The following ZBTB7A variants were observed in gnomAD, a reference collection of about 807,000 sequenced individuals.
The protein encoded by ZBTB7A is zinc finger and BTB domain-containing protein 7A.
ZBTB7A carries 7 observed loss-of-function variants against 26.7 expected under a neutral mutation model. That is an observed-to-expected ratio of 0.26 (90% confidence interval 0.15 to 0.49). The LOEUF is 0.49. Ranked by LOEUF, ZBTB7A falls within the 20% of genes least tolerant of loss-of-function variation. ZBTB7A has a pLI of 0.98. For missense variants in ZBTB7A, 617 were observed against 919.5 expected, an observed-to-expected ratio of 0.67 and a Z score of 4.25; for synonymous variants, 452 against 441.0, an observed-to-expected ratio of 1.02 and a Z score of -0.31.
intron 1 of ZBTB7A, among the ~76,000 whole-genome samples, chr19:4,057,217 G>A (rs909081904): frequency 1.7e-4 from 25 of 149,020 alleles, no homozygotes; most frequent in South Asian, 1.5e-3. Context: ...GTGTGGTGGC[G>A]CGTGCCTGTA....
At chr19:4,062,233 C>A (rs1360882146) in intron 1 of ZBTB7A, 1 of 152,294 alleles carries the variant, frequency 6.6e-6, no homozygotes, top group East Asian at 1.9e-4. Context: ...GAGTGGCCGT[C>A]CACAGCCTGC....
At chr19:4,060,698 G>A (rs984333438) in intron 1 of ZBTB7A, among the ~76,000 whole-genome samples, 1 of 152,232 alleles carries the variant, frequency 6.6e-6, no homozygotes, top group Non-Finnish European at 1.5e-5. Context: ...TGGGCGACCG[G>A]GGAAGGGGGA....
intron 2 of ZBTB7A, among the ~76,000 whole-genome samples, chr19:4,051,564 C>A (rs1045278397): frequency 2.6e-5 from 4 of 152,220 alleles, no homozygotes; most frequent in African/African-American, 9.6e-5. Flanking sequence ...TTATCTCTAG[C>A]CTTGCTGCCC....
chr19:4,049,214 G>C (rs1483950753), intron 2 of ZBTB7A, among the ~76,000 whole-genome samples: 1 of 42,174 alleles, frequency 2.4e-5, no homozygotes, highest in Non-Finnish European at 6.6e-5. Flanking sequence ...ATATATGTAA[G>C]TTTGAGAGAT....
chr19:4,055,378 A>C, intron 1 of ZBTB7A, 131 bp from the exon 2 acceptor site: 1 of 1,392,476 alleles, frequency 7.2e-7, no homozygotes, highest in Non-Finnish European at 9.3e-7. Flanking sequence ...TCCCACCTGC[A>C]CGTGAAGGCG....
At chr19:4,065,816 G>A (rs2040690204) in intron 1 of ZBTB7A, 1 of 142,538 alleles carries the variant, frequency 7.0e-6, no homozygotes, top group Non-Finnish European at 1.6e-5. Context: ...GGGCCCCGGG[G>A]CGGGGAGGGG....
intron 2 of ZBTB7A, among the ~76,000 whole-genome samples, chr19:4,053,757 T>C (rs903417282): frequency 1.3e-5 from 2 of 151,478 alleles, no homozygotes; most frequent in African/African-American, 4.9e-5. Context: ...TGTGCGTATA[T>C]ATGTGCAAGT....
intron 1 of ZBTB7A, 36 bp from the exon 2 acceptor site, chr19:4,055,283 G>T (rs538559850): frequency 1.1e-5 from 16 of 1,436,432 alleles, no homozygotes; most frequent in Non-Finnish European, 1.5e-5. Context: ...GCTCGTGAGT[G>T]GGGGTGCGGG....
At chr19:4,065,258 G>C (rs1363305898) in intron 1 of ZBTB7A, among the ~76,000 whole-genome samples, 2 of 150,440 alleles carry the variant, frequency 1.3e-5, no homozygotes, top group Non-Finnish European at 3.0e-5. Flanking sequence ...CCGCGGGTCG[G>C]AGCCGGACGG....
At position 4,045,773 on chromosome 19, in the gene ZBTB7A, C is replaced by T; in HGVS notation, c.*1979G>A. On this transcript the variant is annotated 3_prime_UTR_variant, in exon 3 of 3. Coordinates refer to ENST00000322357, the MANE Select transcript of ZBTB7A (RefSeq NM_015898.4). The surrounding 1 kb of genome is among the most constrained non-coding windows in gnomAD (Gnocchi z 4.1). ...CATCTGGCGACATAGTCTCCCCAACCCCGGCCCCTGTCCGTGGCCTGTGGC... is the reference window on the plus strand; with the variant it reads ...CATCTGGCGACATAGTCTCCCCAACTCCGGCCCCTGTCCGTGGCCTGTGGC... The T allele has an allele frequency of 2.5e-6, 1 of 397,828 alleles. No individual in the cohort carries two copies. Among genetic ancestry groups the T allele is most frequent in the South Asian group, 1.4e-4 (1 of 7,142 alleles). The allele number at this position is 397,828 out of a possible 1,614,324, so 24.6% of individuals were successfully genotyped here.
intron 2 of ZBTB7A, among the ~76,000 whole-genome samples, chr19:4,053,599 G>C (rs923143135): frequency 1.3e-5 from 2 of 151,582 alleles, no homozygotes; most frequent in Admixed American, 1.3e-4. Context: ...GTGTGTGCGT[G>C]CATGTGTATG....
rs558868729 is a variant in ZBTB7A, at chr19:4,065,240, GC to G, written c.-16+1441del. 4.0e-3 allele frequency among the ~76,000 whole-genome samples: 607 copies of G among 151,058 alleles called. 4 individuals are homozygous for G. The highest frequency in any genetic ancestry group is 0.014 in the African/African-American group (592 of 41,302). On this transcript the variant is annotated intron_variant, in intron 1 of 2. Transcript: ENST00000322357. ...CGGCGGGGACTGGGGTGCTCTCTCCGCCCCCTCCCGCGGGTCGGAGCCGGAC... is the reference window on the plus strand; with the variant it reads ...CGGCGGGGACTGGGGTGCTCTCTCCGCCCCTCCCGCGGGTCGGAGCCGGAC...
chr19:4,053,431 G>A (rs1310690429), intron 2 of ZBTB7A, among the ~76,000 whole-genome samples: 4 of 152,180 alleles, frequency 2.6e-5, no homozygotes, highest in African/African-American at 4.8e-5. Flanking sequence ...GTATGTGTGC[G>A]CATGTACGTG....
In ZBTB7A at chr19:4,055,017, C is replaced by G. The variant is rs1455569534; in HGVS notation, c.216G>C (p.Gln72His). ...LFTSGAVVDQ[Q>H]NVYEIDFVSA... ...TGACGAAGTCGATCTCGTACACGTT[C>G]TGCTGGTCCACCACGGCGCCCGACG... Residue 72 changes from glutamine (Q) to histidine (H), a missense_variant, in exon 2 of 3, where the codon CAG becomes CAC. Gln to His is a conservative substitution (Grantham distance 24, BLOSUM62 0). Around this residue, in one of 5 missense-constraint regions of ZBTB7A, gnomAD observed 82 missense variants for 195.2 expected, o/e 0.42. Transcript: ENST00000322357. 1.2e-6 allele frequency: 2 copies of G among 1,611,144 alleles called. No homozygotes were observed. Among genetic ancestry groups the G allele is most frequent in the Admixed American group, 1.7e-5 (1 of 59,912 alleles).
At chr19:4,053,824 CGTGTACGTGTCTGT>C in intron 2 of ZBTB7A, 133 bp downstream of exon 2, 1 of 882,512 alleles carries the variant, frequency 1.1e-6, no homozygotes, top group Non-Finnish European at 1.7e-6. Context: ...TGTGTCTGTG[CGTGTACGTGTCTGT>C]GTGCACGTGC....
At position 4,055,238 on chromosome 19, in the gene ZBTB7A, G is replaced by T; in HGVS notation, c.-6C>A. 6.7e-7 allele frequency: 1 copy of T among 1,487,332 alleles called. No homozygotes were observed. 92.1% of individuals were successfully genotyped at this position (1,487,332 alleles called of 1,614,324 possible). ...CCGTCCACGCCGCCGGCCATCTTCC[G>T]CGCCGAGACCTGCAGCAGTGGGGAA... On this transcript the variant is annotated 5_prime_UTR_variant, in exon 2 of 3. Coordinates refer to ENST00000322357, the MANE Select transcript of ZBTB7A (RefSeq NM_015898.4).
At chr19:4,064,319 G>A (rs1555694084) in intron 1 of ZBTB7A, among the ~76,000 whole-genome samples, 1 of 152,190 alleles carries the variant, frequency 6.6e-6, no homozygotes, top group Non-Finnish European at 1.5e-5. Context: ...CCAGCGGCCG[G>A]CTCCTGCCCC....
chr19:4,065,997 C>T (rs2145014324), intron 1 of ZBTB7A, among the ~76,000 whole-genome samples: 1 of 148,232 alleles, frequency 6.7e-6, no homozygotes, highest in South Asian at 2.1e-4. Flanking sequence ...CCCTCCTCCG[C>T]ACCGCCCCTA....
rs554420951 is a variant in ZBTB7A at position 4,044,200 on chromosome 19, C to T, written c.*3552G>A. ...CTGGAAGAGGCTGGGGGACCCCCCT[C>T]GGAAGGAAGCAAAAAGACAGTGACA... On this transcript the variant is annotated 3_prime_UTR_variant, in exon 3 of 3. Transcript: ENST00000322357. Among the ~76,000 whole-genome samples, 6 of 151,996 alleles carry T rather than the reference C, an allele frequency of 3.9e-5. No individual in the cohort carries two copies. Among genetic ancestry groups the T allele is most frequent in the Non-Finnish European group, 7.4e-5 (5 of 67,974 alleles).
Sources: allele counts gnomAD v4.1 joint callset (sites outside exome capture counted in the v4.1 genomes callset), GRCh38; gene constraint gnomAD v4.1.1; regional missense constraint gnomAD v4.1.1; non-coding constraint Gnocchi (gnomAD v3.1); transcripts MANE v1.5; gene names NCBI Gene and HGNC (gene_info 2026-07-23, HGNC 2026-07-21).